IPO11: variants seen among roughly 807,000 people sequenced by gnomAD.
IPO11 encodes the protein importin-11.
IPO11 carries 66 observed loss-of-function variants against 143.2 expected under a neutral mutation model. That is an observed-to-expected ratio of 0.46 (90% CI 0.38 to 0.57). IPO11 has a LOEUF of 0.57. Ranked by LOEUF, IPO11 falls within the 20% of genes least tolerant of loss-of-function variation. IPO11 has a pLI of 0.00. For synonymous variants in IPO11, 385 were observed against 377.8 expected, an observed-to-expected ratio of 1.02 and a Z score of -0.22; for missense variants, 1,026 against 1,141.0, an observed-to-expected ratio of 0.90 and a Z score of 1.45.
At chr5:62,596,284 G>A (rs1001864105) in intron 28 of IPO11, among the ~76,000 whole-genome samples, 1,951 of 73,480 alleles carry the variant, frequency 0.027, 14 homozygotes, top group Middle Eastern at 0.035. Flanking sequence ...AAAAAAAAAA[G>A]AATTTAGCCA....
chr5:62,462,430 G>A (rs917001692), intron 5 of IPO11, among the ~76,000 whole-genome samples: 1 of 151,346 alleles, frequency 6.6e-6, no homozygotes, highest in Non-Finnish European at 1.5e-5. Context: ...TGCATTGTGT[G>A]TATGCAAGTG....
intron 20 of IPO11, among the ~76,000 whole-genome samples, chr5:62,520,891 A>G (rs191621176): frequency 2.4e-4 from 36 of 152,354 alleles, no homozygotes; most frequent in African/African-American, 8.4e-4. Flanking sequence ...GCTGGGCCAA[A>G]TGGTATTTCT....
intron 15 of IPO11, 51 bp from the exon 16 acceptor site, chr5:62,493,947 A>T (rs1243515023): frequency 1.4e-6 from 2 of 1,474,774 alleles, no homozygotes; most frequent in African/African-American, 1.4e-5. Flanking sequence ...TAAAAGAAAT[A>T]GACCTCTTAA....
At chr5:62,579,799 A>G in intron 27 of IPO11, 3 of 1,544,088 alleles carry the variant, frequency 1.9e-6, no homozygotes, top group Non-Finnish European at 2.6e-6. Flanking sequence ...TAATTTCATC[A>G]AACGCTTAGA....
chr5:62,492,905 T>C (rs1740978836), intron 15 of IPO11, among the ~76,000 whole-genome samples: 1 of 151,736 alleles, frequency 6.6e-6, no homozygotes, highest in Non-Finnish European at 1.5e-5. Flanking sequence ...TGCAATTTTT[T>C]GGGAAAAAAA....
chr5:62,565,735 G>A (rs903433072), intron 27 of IPO11, among the ~76,000 whole-genome samples: 1 of 151,730 alleles, frequency 6.6e-6, no homozygotes, highest in South Asian at 2.1e-4. Context: ...TTTAAGCTCC[G>A]CATGCATTAG....
At chr5:62,485,564 G>T (rs1447534400) in intron 12 of IPO11, 102 bp downstream of exon 12, 4 of 954,308 alleles carry the variant, frequency 4.2e-6, no homozygotes, top group African/African-American at 3.3e-5. Flanking sequence ...CATTTGCTGG[G>T]CATGGTGGCT....
intron 24 of IPO11, among the ~76,000 whole-genome samples, chr5:62,548,867 C>T (rs1743300575): frequency 6.6e-6 from 1 of 151,964 alleles, no homozygotes; most frequent in African/African-American, 2.4e-5. Flanking sequence ...TTCCTCTTGT[C>T]TTTTTAAAAT....
chr5:62,487,289 G>A (rs750845013), intron 12 of IPO11, among the ~76,000 whole-genome samples: 2 of 151,922 alleles, frequency 1.3e-5, no homozygotes, highest in Non-Finnish European at 2.9e-5. Context: ...ATAGCTACTC[G>A]GGAGGCTGAA....
At chr5:62,602,100 T>C (rs1351193236) in intron 29 of IPO11, among the ~76,000 whole-genome samples, 1 of 152,224 alleles carries the variant, frequency 6.6e-6, no homozygotes, top group East Asian at 1.9e-4. Flanking sequence ...GTTTTACTTA[T>C]GGAAGGTATG....
rs1225876803 is a variant in IPO11 at position 62,625,906 on chromosome 5, T to G, written c.2764-1248T>G. ...GCTGAGTCCATTTTTTAGAGTAATCTTCTTAATTTGGAATACTTTTAGGTT... is the reference window on the plus strand; with the variant it reads ...GCTGAGTCCATTTTTTAGAGTAATCGTCTTAATTTGGAATACTTTTAGGTT... On this transcript the variant is annotated intron_variant, in intron 29 of 29. Transcript: ENST00000325324. Among the ~76,000 whole-genome samples, 5 of 152,356 alleles carry G rather than the reference T, an allele frequency of 3.3e-5. No homozygotes were observed. The East Asian group carries it at 9.6e-4, about 29-fold the overall frequency.
At position 62,553,456 on chromosome 5, in the gene IPO11, G is replaced by A. The variant is rs565195471; in HGVS notation, c.2460+2120G>A. Among the ~76,000 whole-genome samples, 3 of 152,172 alleles carry A rather than the reference G, an allele frequency of 2.0e-5. No homozygotes were observed. In the South Asian group the frequency reaches 6.2e-4, roughly 32 times the overall value. Reference sequence around the variant, plus strand: ...ACAGTGCTGTAATAAACATGAGGGAGCAGGTATCTTTTCAATACAATGATT... The same window carrying A: ...ACAGTGCTGTAATAAACATGAGGGAACAGGTATCTTTTCAATACAATGATT... On this transcript the variant is annotated intron_variant, in intron 26 of 29. Transcript: ENST00000325324.
intron 15 of IPO11, among the ~76,000 whole-genome samples, chr5:62,490,767 A>G (rs1460955267): frequency 1.3e-5 from 2 of 151,786 alleles, no homozygotes; most frequent in East Asian, 1.9e-4. Context: ...GCCCAATTCT[A>G]TTTTTTTTGA....
At chr5:62,581,671 CCT>C (rs1321060291) in intron 27 of IPO11, among the ~76,000 whole-genome samples, 2 of 152,044 alleles carry the variant, frequency 1.3e-5, no homozygotes, top group East Asian at 3.9e-4. Context: ...ACTTTTTGGG[CCT>C]CTCTGACTAG....
intron 27 of IPO11, among the ~76,000 whole-genome samples, chr5:62,588,023 C>G (rs1308698636): frequency 6.6e-6 from 1 of 152,148 alleles, no homozygotes; most frequent in African/African-American, 2.4e-5. Context: ...ACTGAGGCCT[C>G]GAATCTGCTT....
chr5:62,445,868 A>G (rs1225666002), intron 3 of IPO11, among the ~76,000 whole-genome samples: 1 of 152,156 alleles, frequency 6.6e-6, no homozygotes, highest in Non-Finnish European at 1.5e-5. Flanking sequence ...TTTTTTGCAT[A>G]ATCTATTTTG....
chr5:62,578,763 G>A (rs1303671793), intron 27 of IPO11: 3 of 458,762 alleles, frequency 6.5e-6, no homozygotes, highest in African/African-American at 4.1e-5. Context: ...CCAATGTGAA[G>A]AGTGGTGTTT....
intron 16 of IPO11, among the ~76,000 whole-genome samples, chr5:62,499,486 A>G (rs929841022): frequency 2.0e-5 from 3 of 152,100 alleles, no homozygotes; most frequent in Non-Finnish European, 4.4e-5. Flanking sequence ...TGTAGACTTC[A>G]TAATCATTGT....
intron 19 of IPO11, among the ~76,000 whole-genome samples, chr5:62,515,106 A>G (rs1017824730): frequency 1.3e-5 from 2 of 152,094 alleles, no homozygotes; most frequent in African/African-American, 4.8e-5. Flanking sequence ...TTATAACAGC[A>G]TTTTCTGTTA....
Sources: allele counts gnomAD v4.1 joint callset (sites outside exome capture counted in the v4.1 genomes callset), GRCh38; gene constraint gnomAD v4.1.1; transcripts MANE v1.5; gene names NCBI Gene and HGNC (gene_info 2026-07-23, HGNC 2026-07-21).